Variants in CPEB3 observed in about 807,000 individuals in gnomAD.
The protein encoded by CPEB3 is cytoplasmic polyadenylation element-binding protein 3.
CPEB3 carries 20 observed loss-of-function variants against 67.2 expected under a neutral mutation model. The ratio of observed to expected loss-of-function variants is 0.30; its 90% CI spans 0.21 to 0.43. CPEB3 has a LOEUF of 0.43. CPEB3 is among the 20% of genes least tolerant of loss of function. The pLI is 1.00. For synonymous variants in CPEB3, 376 were observed against 393.1 expected (o/e 0.96, Z 0.51); for missense variants, 746 against 968.6 (o/e 0.77, Z 3.05).
intron 1 of CPEB3, among the ~76,000 whole-genome samples, chr10:92,283,989 A>T (rs576535474): frequency 1.3e-4 from 20 of 148,938 alleles, no homozygotes; most frequent in African/African-American, 4.9e-4. Context: ...CAGCCTCCCA[A>T]GTGCTGGGAT....
At chr10:92,157,711 A>G (rs1263875556) in intron 4 of CPEB3, among the ~76,000 whole-genome samples, 3 of 152,190 alleles carry the variant, frequency 2.0e-5, no homozygotes, top group Admixed American at 6.5e-5. Flanking sequence ...TCTAAGTTGT[A>G]TGAAAAGAAC....
At chr10:92,274,524 G>A (rs951842606) in intron 1 of CPEB3, among the ~76,000 whole-genome samples, 5 of 152,104 alleles carry the variant, frequency 3.3e-5, no homozygotes, top group Non-Finnish European at 5.9e-5. Context: ...ATAAGTATAT[G>A]GTCAACAAGT....
rs1222570853 is a variant in CPEB3, at chr10:92,049,794, T to G, written c.*2418A>C. The G allele has an allele frequency of 6.6e-6, 1 of 152,630 alleles. No homozygotes were observed. Among genetic ancestry groups the G allele is most frequent in the Non-Finnish European group, 1.5e-5 (1 of 68,036 alleles). 9.5% of individuals were successfully genotyped at this position (152,630 alleles called of 1,614,324 possible). On this transcript the variant is annotated 3_prime_UTR_variant, in exon 10 of 10. Transcript: ENST00000265997. ...AGAGGGGTGCTTCTTCAAAAAGTTT[T>G]GCTTCTTTCACATAATTAGGTAGAT...
Position 92,277,176 on chromosome 10 carries a change from T to C in CPEB3, c.-12+13750A>G, listed in dbSNP as rs543885244. ...CCAATTTATCTATTCTTTCTTTTGT[T>C]GCTTATGCTTTTGTTATTAATCTAA... On this transcript the variant is annotated intron_variant, in intron 1 of 9. Transcript: ENST00000265997. Among the ~76,000 whole-genome samples, 3 of 152,266 alleles carry C rather than the reference T, an allele frequency of 2.0e-5. No individual in the cohort carries two copies. In the South Asian group the frequency reaches 6.2e-4, roughly 31 times the overall value.
At chr10:92,209,754 C>A (rs1398401103) in intron 2 of CPEB3, among the ~76,000 whole-genome samples, 1 of 150,592 alleles carries the variant, frequency 6.6e-6, no homozygotes, top group African/African-American at 2.4e-5. Flanking sequence ...CTGGCCAACA[C>A]AGTGAAACCC....
In CPEB3 at chr10:92,283,261, A is replaced by AAATAAG. The variant is rs556225104; in HGVS notation, c.-12+7664_-12+7665insCTTATT. On this transcript the variant is annotated intron_variant, in intron 1 of 9. Transcript: ENST00000265997. ...GAGACTCTCTCAAAAATAAAAATAAAAATAAAAATCCCCTAAATCACCCTC... is the reference window on the plus strand; with the variant it reads ...GAGACTCTCTCAAAAATAAAAATAAAAATAAGAATAAAAATCCCCTAAATCACCCTC... Among the ~76,000 whole-genome samples the AAATAAG allele has an allele frequency of 7.9e-4, 121 of 152,206 alleles. 1 individual carries two copies. Among genetic ancestry groups the AAATAAG allele is most frequent in the Non-Finnish European group, 1.4e-3 (96 of 68,018 alleles).
At chr10:92,169,404 G>C (rs1262493677) in intron 4 of CPEB3, among the ~76,000 whole-genome samples, 1 of 152,204 alleles carries the variant, frequency 6.6e-6, no homozygotes, top group Non-Finnish European at 1.5e-5. Flanking sequence ...CTCCCAAAGT[G>C]CTGGGATTAC....
chr10:92,239,692 G>A lies in CPEB3; in HGVS notation c.659C>T (p.Pro220Leu). The change falls in exon 2 of 10, where the codon CCG becomes CTG. Residue 220 changes from proline (P) to leucine (L), a missense_variant. Pro to Leu is a moderately conservative substitution (Grantham distance 98). This residue lies in a region of CPEB3 where 643 missense variants were observed against 717.5 expected (regional missense o/e 0.90). Coordinates refer to ENST00000265997, the MANE Select transcript of CPEB3 (RefSeq NM_014912.5). The surrounding 1 kb of genome is among the most constrained non-coding windows in gnomAD (Gnocchi z 6.0). ...GGCTGCAACCGCCGAAGACGAGGAC[G>A]GCTTGCTGGTCATGATGGGCTGGTG... is the stretch of plus-strand genomic sequence containing the variant. ...YGHQPIMTSK[P>L]SSSSAVAAAA... is the part of the protein sequence containing the mutation. 1.3e-6 allele frequency: 2 copies of A among 1,570,730 alleles called. No individual in the cohort carries two copies. The highest frequency in any genetic ancestry group is 1.7e-6 in the Non-Finnish European group (2 of 1,161,988).
chr10:92,067,162 A>T (rs924880584), intron 9 of CPEB3, among the ~76,000 whole-genome samples: 4 of 152,040 alleles, frequency 2.6e-5, no homozygotes, highest in Admixed American at 2.6e-4. Context: ...TTCAACTATG[A>T]GCTGGAATGC....
intron 2 of CPEB3, among the ~76,000 whole-genome samples, chr10:92,223,238 G>C (rs1850785597): frequency 6.6e-6 from 1 of 152,194 alleles, no homozygotes; most frequent in South Asian, 2.1e-4. Context: ...GTTCTAATAA[G>C]TAGTCCACAA....
intron 2 of CPEB3, among the ~76,000 whole-genome samples, chr10:92,215,264 T>C (rs566286800): frequency 6.6e-6 from 1 of 151,880 alleles, no homozygotes; most frequent in South Asian, 2.1e-4. Context: ...TCGATTCTCC[T>C]GCCTCTGCCT....
At chr10:92,195,046 A>AAAAC (rs1554912732) in intron 2 of CPEB3, among the ~76,000 whole-genome samples, 1 of 117,068 alleles carries the variant, frequency 8.5e-6, no homozygotes, top group Admixed American at 8.4e-5. Context: ...TGTCTCAAAA[A>AAAAC]ACACACACAC....
At chr10:92,270,773 T>C (rs565297067) in intron 1 of CPEB3, among the ~76,000 whole-genome samples, 32 of 151,362 alleles carry the variant, frequency 2.1e-4, no homozygotes, top group African/African-American at 7.8e-4. Flanking sequence ...TTTCGCCAGG[T>C]TGCCCAGGCT....
intron 4 of CPEB3, among the ~76,000 whole-genome samples, chr10:92,175,983 C>T (rs1336801441): frequency 6.6e-6 from 1 of 152,174 alleles, no homozygotes; most frequent in African/African-American, 2.4e-5. Flanking sequence ...CCCAGCTACT[C>T]GGGAGGCAGA....
chr10:92,075,777 G>A (rs1204795700), intron 9 of CPEB3, among the ~76,000 whole-genome samples: 2 of 152,142 alleles, frequency 1.3e-5, no homozygotes, highest in African/African-American at 4.8e-5. Context: ...TATAAAGCTT[G>A]TATTTCTCCC....
intron 1 of CPEB3, among the ~76,000 whole-genome samples, chr10:92,283,216 A>T (rs964747762): frequency 2.6e-5 from 4 of 152,064 alleles, no homozygotes; most frequent in African/African-American, 9.7e-5. Flanking sequence ...TCACCACTGC[A>T]CTCCAGCCTG....
At chr10:92,174,261 G>A (rs1848129670) in intron 4 of CPEB3, among the ~76,000 whole-genome samples, 1 of 152,192 alleles carries the variant, frequency 6.6e-6, no homozygotes, top group African/African-American at 2.4e-5. Flanking sequence ...GGGGGAAGAG[G>A]AGGCTCTGCA....
At chr10:92,240,475 T>C in intron 1 of CPEB3, 114 bp from the exon 2 acceptor site, 1 of 1,001,624 alleles carries the variant, frequency 1.0e-6, no homozygotes, top group Admixed American at 3.4e-5. Context: ...ACTAGCCAAT[T>C]GCAATGCAAA....
At chr10:92,071,607 C>T (rs527942280) in intron 9 of CPEB3, among the ~76,000 whole-genome samples, 17 of 151,794 alleles carry the variant, frequency 1.1e-4, no homozygotes, top group Middle Eastern at 3.4e-3. Context: ...CGGTGGCAGG[C>T]GCCTGTAATC....
Sources: allele counts gnomAD v4.1 joint callset (sites outside exome capture counted in the v4.1 genomes callset), GRCh38; gene constraint gnomAD v4.1.1; regional missense constraint gnomAD v4.1.1; non-coding constraint Gnocchi (gnomAD v3.1); transcripts MANE v1.5; gene names NCBI Gene and HGNC (gene_info 2026-07-23, HGNC 2026-07-21).